Variants in TMCO4 observed in about 807,000 individuals in gnomAD.
TMCO4 encodes the protein transmembrane and coiled-coil domain-containing protein 4.
Under a neutral mutation model 64.7 loss-of-function variants are expected in TMCO4, and 58 were observed. The observed-to-expected ratio is 0.90, with a 90% confidence interval of 0.73 to 1.12. TMCO4 has a LOEUF of 1.12. Ranked by LOEUF, TMCO4 falls within the 50% of genes most tolerant of loss-of-function variation. The probability of loss-of-function intolerance (pLI) is 0.00; values close to 1 mark genes in which losing one functional copy is unlikely to be tolerated. For missense variants in TMCO4, 780 were observed against 825.9 expected (o/e 0.94, Z 0.68); for synonymous variants, 325 against 346.1 (o/e 0.94, Z 0.68).
chr1:19,700,769 T>C lies in TMCO4; in HGVS notation c.1381A>G (p.Arg461Gly). Residue 461 changes from arginine to glycine, a missense_variant and splice_region_variant, in exon 14 of 16, where the codon AGG (arginine) becomes GGG (glycine). Arg to Gly is a moderately radical substitution (Grantham distance 125). Coordinates refer to ENST00000294543, the MANE Select transcript of TMCO4 (RefSeq NM_181719.7). ...CGCTGGCACGAGGTTTGGACAGACC[T>C]GCAGTAGCCGTTGATGATCCTCCCG... ...VSGRIINGYC[R>G]GDWLLSFVYR... The C allele has an allele frequency of 6.2e-7, 1 of 1,613,790 alleles. No homozygotes were observed. Among genetic ancestry groups the C allele is most frequent in the Non-Finnish European group, 8.5e-7 (1 of 1,179,640 alleles).
rs115250122 is a variant in TMCO4, at chr1:19,733,501, T to C, written c.1264+3871A>G. ...GCCAGGCACTGTGACAGGCTAGGGA[T>C]ACAGTGACAAGAAGGAGAAACAGGG... On this transcript the variant is annotated intron_variant, in intron 13 of 15. Coordinates refer to ENST00000294543, the MANE Select transcript of TMCO4 (RefSeq NM_181719.7). Among the ~76,000 whole-genome samples, 1,330 of 152,216 alleles carry C rather than the reference T, an allele frequency of 8.7e-3. 24 individuals are homozygous for C. The highest frequency in any genetic ancestry group is 0.031 in the African/African-American group (1,291 of 41,524).
At chr1:19,793,155 C>T (rs1205200205) in intron 2 of TMCO4, among the ~76,000 whole-genome samples, 2 of 152,000 alleles carry the variant, frequency 1.3e-5, no homozygotes, top group African/African-American at 2.4e-5. Context: ...CCAGCCATAC[C>T]CTCCTCCTTG....
At chr1:19,789,561 T>C (rs2043922409) in intron 2 of TMCO4, among the ~76,000 whole-genome samples, 1 of 152,224 alleles carries the variant, frequency 6.6e-6, no homozygotes, top group African/African-American at 2.4e-5. Flanking sequence ...TTCTATATTT[T>C]TAGCATTTCG....
chr1:19,776,138 C>G lies in TMCO4; in HGVS notation c.179+4442G>C, dbSNP rs562355460. Among the ~76,000 whole-genome samples the G allele has an allele frequency of 5.9e-5, 9 of 152,302 alleles. 1 individual carries two copies. The South Asian group carries it at 1.7e-3, about 28-fold the overall frequency. ...GGCCAGGCTGGTCTCAAACTCCTAA[C>G]CTCAAGTGATCTGCCCGCCTCAGCA... is the stretch of plus-strand genomic sequence containing the variant. On this transcript the variant is annotated intron_variant, in intron 4 of 15. Coordinates refer to ENST00000294543, the MANE Select transcript of TMCO4 (RefSeq NM_181719.7).
At chr1:19,784,437 G>A (rs1195824515) in intron 3 of TMCO4, among the ~76,000 whole-genome samples, 1 of 152,130 alleles carries the variant, frequency 6.6e-6, no homozygotes, top group Non-Finnish European at 1.5e-5. Context: ...GGGAGGCTGA[G>A]GCAGGAGAAT....
intron 13 of TMCO4, among the ~76,000 whole-genome samples, chr1:19,723,217 G>A (rs1289667090): frequency 6.6e-6 from 1 of 152,198 alleles, no homozygotes; most frequent in Non-Finnish European, 1.5e-5. Context: ...ATGCTGCATT[G>A]AGCATTTCCT....
intron 15 of TMCO4, among the ~76,000 whole-genome samples, chr1:19,685,105 A>G (rs1036845063): frequency 3.3e-5 from 5 of 152,172 alleles, no homozygotes; most frequent in African/African-American, 1.2e-4. Context: ...TGGGAAAATC[A>G]CTTGAGCCCA....
intron 15 of TMCO4, among the ~76,000 whole-genome samples, chr1:19,685,504 C>T (rs2095139781): frequency 6.6e-6 from 1 of 152,094 alleles, no homozygotes; most frequent in African/African-American, 2.4e-5. Flanking sequence ...GATTGAAATG[C>T]CTGATGCCTA....
intron 7 of TMCO4, 72 bp downstream of exon 7, chr1:19,755,562 G>T: frequency 6.3e-7 from 1 of 1,588,558 alleles, no homozygotes; most frequent in Non-Finnish European, 8.6e-7. Context: ...GGGAGAAGGG[G>T]ACTCTGTTAT....
intron 13 of TMCO4, among the ~76,000 whole-genome samples, chr1:19,731,685 A>G (rs911334651): frequency 1.3e-5 from 2 of 152,204 alleles, no homozygotes; most frequent in Non-Finnish European, 2.9e-5. Flanking sequence ...TGTGATCACA[A>G]GTATGTCCCT....
intron 6 of TMCO4, among the ~76,000 whole-genome samples, chr1:19,769,692 C>T (rs1293653852): frequency 1.3e-5 from 2 of 152,022 alleles, no homozygotes; most frequent in East Asian, 1.9e-4. Context: ...AGAGGGAAGC[C>T]CTGGCAGAGA....
intron 2 of TMCO4, among the ~76,000 whole-genome samples, chr1:19,797,845 CAG>C (rs1455902329): frequency 1.8e-5 from 2 of 112,810 alleles, no homozygotes; most frequent in African/African-American, 7.0e-5. Context: ...GCCTGGGTGA[CAG>C]AGTGAGACTC....
chr1:19,751,744 A>C (rs1205069661), intron 7 of TMCO4, among the ~76,000 whole-genome samples: 1 of 152,068 alleles, frequency 6.6e-6, no homozygotes, highest in Non-Finnish European at 1.5e-5. Context: ...AAGTATTTGC[A>C]TGTTCTTAAT....
At chr1:19,701,404 T>C (rs2095271732) in intron 13 of TMCO4, among the ~76,000 whole-genome samples, 1 of 152,186 alleles carries the variant, frequency 6.6e-6, no homozygotes, top group South Asian at 2.1e-4. Flanking sequence ...ACTCCTGACC[T>C]CAGGTGATCC....
intron 6 of TMCO4, 111 bp from the exon 7 acceptor site, chr1:19,755,877 C>A: frequency 8.2e-7 from 1 of 1,220,350 alleles, no homozygotes; most frequent in Non-Finnish European, 1.2e-6. Flanking sequence ...ATGTACAACC[C>A]CATGGGAGCC....
At chr1:19,700,381 A>G (rs973371173) in intron 14 of TMCO4, among the ~76,000 whole-genome samples, 4 of 151,912 alleles carry the variant, frequency 2.6e-5, no homozygotes, top group African/African-American at 9.7e-5. Flanking sequence ...AAAGACTAAC[A>G]CAGAAGCCTC....
chr1:19,757,841 G>A (rs573620210), intron 6 of TMCO4, among the ~76,000 whole-genome samples: 5 of 152,122 alleles, frequency 3.3e-5, no homozygotes, highest in Admixed American at 3.3e-4. Flanking sequence ...AAACTCTTCC[G>A]AATTTTAGGT....
intron 7 of TMCO4, among the ~76,000 whole-genome samples, chr1:19,752,416 G>A (rs2042060088): frequency 6.6e-6 from 1 of 152,196 alleles, no homozygotes; most frequent in African/African-American, 2.4e-5. Context: ...CCAGGCTGAA[G>A]CCAGAGATAC....
intron 2 of TMCO4, among the ~76,000 whole-genome samples, chr1:19,795,341 G>A (rs1475981105): frequency 6.6e-6 from 1 of 151,898 alleles, no homozygotes; most frequent in Non-Finnish European, 1.5e-5. Context: ...GCGTGGTGGC[G>A]AGCACCTGTA....
Sources: allele counts gnomAD v4.1 joint callset (sites outside exome capture counted in the v4.1 genomes callset), GRCh38; gene constraint gnomAD v4.1.1; transcripts MANE v1.5; gene names NCBI Gene and HGNC (gene_info 2026-07-23, HGNC 2026-07-21).